The following ERVK3-1 variants were observed in gnomAD, a reference collection of about 807,000 sequenced individuals.
The protein encoded by ERVK3-1 is endogenous retrovirus group K3 member 1.
exon 4 of ERVK3-1, chr19:58,315,626 T>G (rs909481435): frequency 2.6e-5 from 4 of 152,254 alleles, no homozygotes; most frequent in Non-Finnish European, 1.5e-5. Context: ...CTCTCTGATA[T>G]TATAAATGCT....
At chr19:58,307,610 C>G (rs908342904) in intron 2 of ERVK3-1, among the ~76,000 whole-genome samples, 9 of 149,440 alleles carry the variant, frequency 6.0e-5, no homozygotes, top group African/African-American at 2.3e-4. Flanking sequence ...CAATACCGCC[C>G]CCCCCTCCCC....
chr19:58,310,816 G>A lies in ERVK3-1; in HGVS notation c.-3-1350G>A. ...GCAGAGTCTTCTCTAACCTCCCCCA[G>A]GGAAAGGGAGACCGCCCCCCACCCT... On this transcript the variant is annotated intron_variant, in intron 2 of 3. Coordinates refer to ENST00000413518, the Ensembl canonical transcript of ERVK3-1. The surrounding 1 kb of genome is among the most constrained non-coding windows in gnomAD (Gnocchi z 4.7). 2 of 360,756 alleles carry A rather than the reference G, an allele frequency of 5.5e-6. No homozygotes were observed. Among genetic ancestry groups the A allele is most frequent in the East Asian group, 1.8e-4 (2 of 10,988 alleles). 22.3% of individuals were successfully genotyped at this position (360,756 alleles called of 1,614,324 possible). A position where few individuals can be genotyped will look rare whatever the true frequency, so the allele number is the denominator to read the frequency against.
In ERVK3-1 at chr19:58,314,182, C is replaced by A. The variant is rs555053878; in HGVS notation, c.295-566C>A. Among the ~76,000 whole-genome samples the A allele has an allele frequency of 1.8e-4, 27 of 152,238 alleles. 1 individual carries two copies. The South Asian group carries it at 5.6e-3, about 32-fold the overall frequency. Reference sequence around the variant, plus strand: ...AGAACCAAAGTGAATATCCATGGAACCTTGTAAAAGCTCATTTGCAGGGAG... The same window carrying A: ...AGAACCAAAGTGAATATCCATGGAAACTTGTAAAAGCTCATTTGCAGGGAG... On this transcript the variant is annotated intron_variant, in intron 3 of 3. Transcript: ENST00000413518.
exon 4 of ERVK3-1, chr19:58,314,938 G>A (rs1408750500): frequency 2.8e-5 from 11 of 392,988 alleles, no homozygotes; most frequent in Non-Finnish European, 4.5e-5. Flanking sequence ...CAGGATGTTG[G>A]CGAACTGACA....
In ERVK3-1 at chr19:58,312,380, C is replaced by G. The variant is rs539195500; in HGVS notation, c.212C>G (p.Ala71Gly). 2.5e-6 allele frequency: 1 copy of G among 400,232 alleles called. No individual in the cohort carries two copies. Among genetic ancestry groups the G allele is most frequent in the East Asian group, 3.6e-5 (1 of 28,088 alleles). The allele number at this position is 400,232 out of a possible 1,614,324, so 24.8% of individuals were successfully genotyped here. The change falls in exon 3 of 4, where the codon GCT (alanine) becomes GGT (glycine). Residue 71 changes from alanine (A) to glycine (G), a missense_variant. Coordinates refer to ENST00000413518, the Ensembl canonical transcript of ERVK3-1. The surrounding 1 kb of genome is among the most constrained non-coding windows in gnomAD (Gnocchi z 4.7). ...CAGATCAAGAAAACGACACAAGAAG[C>G]TGAGAAACTACTGGAGCGCCAGGGT...
chr19:58,315,404 G>A (rs1225487407), exon 4 of ERVK3-1: 3 of 152,170 alleles, frequency 2.0e-5, no homozygotes, highest in African/African-American at 7.2e-5. Flanking sequence ...TATATGTCTA[G>A]ATTTGCCTCT....
rs1461098424 is a variant in ERVK3-1, at chr19:58,306,070, CTCCTTCGTTT to C, written c.-132-17_-132-8del. 6.6e-6 allele frequency: 1 copy of C among 152,354 alleles called. No homozygotes were observed. The highest frequency in any genetic ancestry group is 1.5e-5 in the Non-Finnish European group (1 of 68,132). The allele number at this position is 152,354 out of a possible 1,614,324, so 9.4% of individuals were successfully genotyped here. A position where few individuals can be genotyped will look rare whatever the true frequency, so the allele number is the denominator to read the frequency against. The stretch of plus-strand genomic sequence containing the variant: ...CTTTGTCTTCATTTCTGCCTTCGTT[CTCCTTCGTTT>C]GGTCCAGAAGCAACCGTGACAAGTG... On this transcript the variant is annotated splice_polypyrimidine_tract_variant and splice_region_variant and intron_variant, in intron 1 of 3. Transcript: ENST00000413518.
At chr19:58,315,979 G>A (rs959291483), downstream of ERVK3-1, among the ~76,000 whole-genome samples, 1 of 152,188 alleles carries the variant, frequency 6.6e-6, no homozygotes, top group Non-Finnish European at 1.5e-5. Flanking sequence ...GCCCAGGACT[G>A]AGACCTCGGG....
rs577801173 is a variant in ERVK3-1, at chr19:58,313,143, G to A, written c.294+681G>A. 9 of 152,344 alleles carry A rather than the reference G, an allele frequency of 5.9e-5. No individual in the cohort carries two copies. In the South Asian group the frequency reaches 6.2e-4, roughly 11 times the overall value. The allele number at this position is 152,344 out of a possible 1,614,324, so 9.4% of individuals were successfully genotyped here. ...GAAACAGAGGCCCAATTCAGGAATC[G>A]ATATGGAAGGCAACACTCCCATTTA... On this transcript the variant is annotated intron_variant, in intron 3 of 3. Coordinates refer to ENST00000413518, the Ensembl canonical transcript of ERVK3-1. The surrounding 1 kb of genome is among the most constrained non-coding windows in gnomAD (Gnocchi z 4.5).
chr19:58,311,830 G>A (rs58371330), intron 2 of ERVK3-1: 20,513 of 175,308 alleles, frequency 0.12, 1,749 homozygotes, highest in African/African-American at 0.23. Context: ...TTACAATTGT[G>A]GGCAATCAAT....
At chr19:58,314,346 G>C (rs1393772747) in intron 3 of ERVK3-1, among the ~76,000 whole-genome samples, 1 of 152,182 alleles carries the variant, frequency 6.6e-6, no homozygotes, top group African/African-American at 2.4e-5. Context: ...CTCAACCCTG[G>C]CCGGGTGCGG....
At chr19:58,307,886 G>A (rs537049484) in intron 2 of ERVK3-1, among the ~76,000 whole-genome samples, 85 of 152,266 alleles carry the variant, frequency 5.6e-4, no homozygotes, top group African/African-American at 2.0e-3. Context: ...GGATTAGATC[G>A]CTCAGTCAGA....
chr19:58,306,652 G>A (rs986947055), intron 2 of ERVK3-1: 6 of 152,118 alleles, frequency 3.9e-5, no homozygotes, highest in Admixed American at 6.5e-5. Context: ...GGAGAGGGAG[G>A]ATGAGAACTG....
At chr19:58,316,759 CAAG>C (rs2051594979), downstream of ERVK3-1, among the ~76,000 whole-genome samples, 17 of 152,190 alleles carry the variant, frequency 1.1e-4, no homozygotes, top group Admixed American at 1.1e-3. Context: ...ACCTATCTAA[CAAG>C]AGAAAAACAT....
At chr19:58,306,299 C>CATT (rs2051523340) in intron 2 of ERVK3-1, 83 bp downstream of exon 2, 1 of 152,208 alleles carries the variant, frequency 6.6e-6, no homozygotes, top group African/African-American at 2.4e-5. Context: ...TGAGGAGCAA[C>CATT]ATTATGTGCA....
At chr19:58,308,265 C>T (rs2051536859) in intron 2 of ERVK3-1, among the ~76,000 whole-genome samples, 1 of 152,144 alleles carries the variant, frequency 6.6e-6, no homozygotes, top group South Asian at 2.1e-4. Flanking sequence ...CTGTGCAGTG[C>T]AAATTAAAGG....
chr19:58,314,334 G>C (rs2051575963), intron 3 of ERVK3-1, among the ~76,000 whole-genome samples: 1 of 152,112 alleles, frequency 6.6e-6, no homozygotes, highest in South Asian at 2.1e-4. Flanking sequence ...GGCTTAGAAA[G>C]CCTCAACCCT....
chr19:58,307,741 G>A (rs796828978), intron 2 of ERVK3-1, among the ~76,000 whole-genome samples: 1 of 149,100 alleles, frequency 6.7e-6, no homozygotes, highest in East Asian at 2.0e-4. Context: ...ATGGCACCCC[G>A]CTCTCAGGAA....
rs2051552396 is a variant in ERVK3-1, at chr19:58,310,857, G to A, written c.-3-1309G>A. 3.5e-5 allele frequency: 14 copies of A among 404,246 alleles called. No homozygotes were observed. Among genetic ancestry groups the A allele is most frequent in the South Asian group, 2.4e-4 (14 of 57,310 alleles). The allele number at this position is 404,246 out of a possible 1,614,324, so 25.0% of individuals were successfully genotyped here. A position where few individuals can be genotyped will look rare whatever the true frequency, so the allele number is the denominator to read the frequency against. On this transcript the variant is annotated intron_variant, in intron 2 of 3. Coordinates refer to ENST00000413518, the Ensembl canonical transcript of ERVK3-1. The surrounding 1 kb of genome is among the most constrained non-coding windows in gnomAD (Gnocchi z 4.7). ...CCCCCACCCTTTCCCGGTCTGCTAA[G>A]TAGCGGGTGTTGTTCCTTGACACTT...
Sources: allele counts gnomAD v4.1 joint callset (sites outside exome capture counted in the v4.1 genomes callset), GRCh38; gene constraint gnomAD v4.1.1; non-coding constraint Gnocchi (gnomAD v3.1); transcripts MANE v1.5; gene names NCBI Gene and HGNC (gene_info 2026-07-23, HGNC 2026-07-21).